The following ALMS1 variants were observed in gnomAD, a reference collection of about 807,000 sequenced individuals.
The protein encoded by ALMS1 is centrosome-associated protein ALMS1.
In ALMS1, 271 loss-of-function variants were observed where a neutral mutation model predicts 352.2. The observed-to-expected ratio is 0.77, with a 90% CI of 0.70 to 0.85. ALMS1 has a LOEUF of 0.85. Ranked by LOEUF, ALMS1 falls within the 40% of genes least tolerant of loss-of-function variation. The pLI, the probability that ALMS1 is intolerant of heterozygous loss-of-function variation, is 0.00. For missense variants in ALMS1, 5,445 were observed against 4,870.7 expected (o/e 1.12, Z -3.51); for synonymous variants, 1,865 against 1,761.2 (o/e 1.06, Z -1.48).
At chr2:73,538,705 C>T (rs375958842) in intron 12 of ALMS1, among the ~76,000 whole-genome samples, 12 of 152,154 alleles carry the variant, frequency 7.9e-5, no homozygotes, top group East Asian at 5.8e-4. Flanking sequence ...GCTTTTCCAA[C>T]GGGCTTAAAA....
At chr2:73,423,623 AGTAACCTCT>A (rs142818298) in intron 4 of ALMS1, among the ~76,000 whole-genome samples, 54,826 of 151,802 alleles carry the variant, frequency 0.36, 13,219 homozygotes, top group African/African-American at 0.69. Context: ...GAAAGTAAAA[AGTAACCTCT>A]GTCCTTATAC....
In ALMS1 at chr2:73,449,709, C is replaced by T. The variant is rs868388754; in HGVS notation, c.3182C>T (p.Pro1061Leu). The T allele has an allele frequency of 1.2e-6, 2 of 1,613,768 alleles. No homozygotes were observed. The highest frequency in any genetic ancestry group is 2.2e-5 in the East Asian group (1 of 44,870). ...AGGGAGAAGCCTAGTGTTTTGTACC[C>T]ACAGGTGTTATCAGACAGTCATCTA... ...PQREKPSVLY[P>L]QVLSDSHLPE... Residue 1061 changes from proline (P) to leucine (L), a missense_variant, in exon 8 of 23, where the codon CCA becomes CTA. Transcript: ENST00000613296.
chr2:73,477,000 TTGA>T (rs1234317901), intron 9 of ALMS1, among the ~76,000 whole-genome samples: 2 of 152,156 alleles, frequency 1.3e-5, no homozygotes, highest in African/African-American at 2.4e-5. Flanking sequence ...TAAGTACCTA[TTGA>T]TGATGTTAAG....
At chr2:73,392,702 A>G (rs1038069931) in intron 1 of ALMS1, among the ~76,000 whole-genome samples, 5 of 152,188 alleles carry the variant, frequency 3.3e-5, no homozygotes, top group African/African-American at 1.2e-4. Flanking sequence ...TGGCTGAATA[A>G]TATTTTATTA....
intron 10 of ALMS1, among the ~76,000 whole-genome samples, chr2:73,515,883 T>C (rs67898050): frequency 0.13 from 20,374 of 151,680 alleles, 1,445 homozygotes; most frequent in East Asian, 0.22. Context: ...CCTGGAAATA[T>C]ACAATCTCCC....
chr2:73,426,602 A>G (rs768927429), intron 6 of ALMS1, 49 bp downstream of exon 6: 2 of 1,553,212 alleles, frequency 1.3e-6, no homozygotes, highest in Admixed American at 1.7e-5. Context: ...CTTTTTCAGT[A>G]TTGTTTCAGG....
intron 1 of ALMS1, among the ~76,000 whole-genome samples, chr2:73,394,468 C>T (rs536269376): frequency 2.6e-5 from 4 of 152,284 alleles, no homozygotes; most frequent in Non-Finnish European, 5.9e-5. Context: ...TCTCCTGCCT[C>T]AGCCTCCAGT....
chr2:73,489,987 G>A lies in ALMS1; in HGVS notation c.8028G>A (p.Met2676Ile), dbSNP rs200272824. The A allele has an allele frequency of 3.7e-6, 6 of 1,614,192 alleles. No homozygotes were observed. The Admixed American group carries it at 6.7e-5, about 18-fold the overall frequency. ...TTCGAATGCCATTCGATGAAAAGAT[G>A]GACCCTTGGCTGTCAGAATTAGTAG... Reference protein sequence around the residue: ...KGLRMPFDEKMDPWLSELVEP... With the variant: ...KGLRMPFDEKIDPWLSELVEP... The change falls in exon 10 of 23, where the codon ATG (methionine) becomes ATA (isoleucine). Residue 2676 changes from methionine (M) to isoleucine (I), a missense_variant. By Grantham distance (10) the Met-to-Ile change is conservative. Coordinates refer to ENST00000613296, the MANE Select transcript of ALMS1 (RefSeq NM_001378454.1).
At chr2:73,606,512 A>G (rs867019432) in intron 21 of ALMS1, among the ~76,000 whole-genome samples, 4 of 152,250 alleles carry the variant, frequency 2.6e-5, no homozygotes, top group African/African-American at 4.8e-5. Flanking sequence ...AAATGTATCA[A>G]TGCTTTCGAC....
At chr2:73,579,244 G>A (rs985568208) in intron 16 of ALMS1, among the ~76,000 whole-genome samples, 2 of 151,432 alleles carry the variant, frequency 1.3e-5, no homozygotes, top group African/African-American at 4.9e-5. Flanking sequence ...GTTTTTAGTA[G>A]AGATGGGGTT....
At chr2:73,534,521 T>G (rs1290179911) in intron 11 of ALMS1, among the ~76,000 whole-genome samples, 4 of 152,162 alleles carry the variant, frequency 2.6e-5, no homozygotes, top group Non-Finnish European at 5.9e-5. Flanking sequence ...CTGTTTCCCC[T>G]GCATTTAAAC....
intron 1 of ALMS1, among the ~76,000 whole-genome samples, chr2:73,392,280 G>C (rs1397830292): frequency 1.3e-5 from 2 of 149,826 alleles, no homozygotes; most frequent in Non-Finnish European, 1.5e-5. Context: ...GTGTGTGTGT[G>C]TGTGTGTGTG....
At chr2:73,549,688 A>G (rs1674389746) in intron 12 of ALMS1, among the ~76,000 whole-genome samples, 1 of 152,144 alleles carries the variant, frequency 6.6e-6, no homozygotes, top group Non-Finnish European at 1.5e-5. Context: ...TGAGCTGGAA[A>G]TATTCTCTCT....
chr2:73,451,966 T>C lies in ALMS1; in HGVS notation c.5439T>C (p.Ile1813=). Residue 1813 remains isoleucine, a synonymous_variant, in exon 8 of 23, where the codon ATT becomes ATC. Coordinates refer to ENST00000613296, the MANE Select transcript of ALMS1 (RefSeq NM_001378454.1). ...CCTACTCACACAGAGAGAAGCCCAT[T>C]GTTTCCTACCAGCGAGAGTTGCCGC... ...STSYSHREKP[I]VSYQRELPHF... The C allele has an allele frequency of 1.2e-6, 2 of 1,613,372 alleles. No homozygotes were observed. The highest frequency in any genetic ancestry group is 1.7e-6 in the Non-Finnish European group (2 of 1,179,664).
In ALMS1 at chr2:73,424,631, G is replaced by C; in HGVS notation, c.966G>C (p.Glu322Asp). The change falls in exon 5 of 23, where the codon GAG becomes GAC. Residue 322 changes from glutamate to aspartate, a missense_variant. By Grantham distance (45) the Glu-to-Asp change is conservative. Transcript: ENST00000613296. ...FLPSEQGNNE[E>D]TISSVDELKI... The stretch of plus-strand genomic sequence containing the variant: ...CTTCTGAACAAGGGAATAATGAAGA[G>C]ACTATTTCGTCTGTTGATGAACTGA... 1 of 1,613,984 alleles carries C rather than the reference G, an allele frequency of 6.2e-7. No individual in the cohort carries two copies. Among genetic ancestry groups the C allele is most frequent in the Non-Finnish European group, 8.5e-7 (1 of 1,179,988 alleles).
At chr2:73,440,083 C>G (rs973375949) in intron 7 of ALMS1, among the ~76,000 whole-genome samples, 1 of 152,028 alleles carries the variant, frequency 6.6e-6, no homozygotes, top group African/African-American at 2.4e-5. Context: ...CGGGTTCACG[C>G]CATTCTCCTG....
intron 16 of ALMS1, among the ~76,000 whole-genome samples, chr2:73,578,745 A>AT (rs1383184491): frequency 1.4e-4 from 21 of 152,206 alleles, no homozygotes; most frequent in African/African-American, 2.2e-4. Context: ...TTACATCTTC[A>AT]TTTTGTCCCC....
rs1671683136 is a variant in ALMS1 at position 73,440,000 on chromosome 2, A to C, written c.1432+7709A>C. ...TTTAAAAATTATTTATTTATTTTTG[A>C]GACAGAGTCTCGCTCTGTCGCCCAG... is the stretch of plus-strand genomic sequence containing the variant. On this transcript the variant is annotated intron_variant, in intron 7 of 22. Coordinates refer to ENST00000613296, the MANE Select transcript of ALMS1 (RefSeq NM_001378454.1). Among the ~76,000 whole-genome samples the C allele has an allele frequency of 1.3e-5, 2 of 151,922 alleles. 1 individual carries two copies. The highest frequency in any genetic ancestry group is 4.2e-4 in the South Asian group (2 of 4,814).
At chr2:73,530,611 A>G (rs991853808) in intron 11 of ALMS1, among the ~76,000 whole-genome samples, 4 of 152,220 alleles carry the variant, frequency 2.6e-5, no homozygotes, top group Non-Finnish European at 1.5e-5. Context: ...CTCTTCTCAC[A>G]GCTCCACTAG....
Sources: allele counts gnomAD v4.1 joint callset (sites outside exome capture counted in the v4.1 genomes callset), GRCh38; gene constraint gnomAD v4.1.1; transcripts MANE v1.5; gene names NCBI Gene and HGNC (gene_info 2026-07-23, HGNC 2026-07-21).